The following NRXN3 variants were observed in gnomAD, a reference collection of about 807,000 sequenced individuals.
The protein encoded by NRXN3 is neurexin III.
NRXN3 carries 32 observed loss-of-function variants against 137.6 expected under a neutral mutation model. The observed-to-expected ratio is 0.23, with a 90% CI of 0.18 to 0.31. The LOEUF (loss-of-function observed/expected upper bound fraction) is 0.31. Among genes scored for constraint, NRXN3 ranks in the 10% least tolerant of loss-of-function variants. The pLI, the probability that NRXN3 is intolerant of heterozygous loss-of-function variation, is 1.00. For synonymous variants in NRXN3, 798 were observed against 784.5 expected (o/e 1.02, Z -0.29); for missense variants, 1,574 against 2,062.5 (o/e 0.76, Z 4.59).
intron 15 of NRXN3, among the ~76,000 whole-genome samples, chr14:79,276,025 G>T (rs2080233166): frequency 6.6e-6 from 1 of 152,018 alleles, no homozygotes; most frequent in South Asian, 2.1e-4. Flanking sequence ...CTATACACTT[G>T]ATTCCCAAGT....
rs1465233976 is a variant in NRXN3 at position 79,557,078 on chromosome 14, C to A, written c.3444+89676C>A. Among the ~76,000 whole-genome samples, 3 of 151,962 alleles carry A rather than the reference C, an allele frequency of 2.0e-5. No individual in the cohort carries two copies. In the East Asian group the frequency reaches 5.8e-4, roughly 30 times the overall value. ...GTTGGACCTTAAGATATATTCAAGG[C>A]TAGTTGGCTGGGCTTGGCTTGACTC... On this transcript the variant is annotated intron_variant, in intron 16 of 20. Transcript: ENST00000335750.
At chr14:79,753,420 G>A (rs2099005913) in intron 19 of NRXN3, among the ~76,000 whole-genome samples, 2 of 148,990 alleles carry the variant, frequency 1.3e-5, no homozygotes, top group African/African-American at 5.2e-5. Flanking sequence ...GTCCTTTGTA[G>A]GGACATGGAT....
chr14:78,243,518 A>G lies in NRXN3; in HGVS notation c.425A>G (p.Asp142Gly). 1 of 1,596,208 alleles carries G rather than the reference A, an allele frequency of 6.3e-7. No individual in the cohort carries two copies. The highest frequency in any genetic ancestry group is 8.5e-7 in the Non-Finnish European group (1 of 1,178,832). ...CTGCAGCCCCAGCGGCCCTACATGG[A>G]TGTGGTCAGTGACTTGTTCCTTGGT... ...GELQPQRPYM[D>G]VVSDLFLGGV... Residue 142 changes from aspartate to glycine, a missense_variant, in exon 2 of 21, where the codon GAT becomes GGT. Asp to Gly is a moderately conservative substitution (Grantham distance 94). Around this residue, in one of 5 missense-constraint regions of NRXN3, gnomAD observed 400 missense variants for 527.3 expected, o/e 0.76. Transcript: ENST00000335750. This position sits in a 1 kb window ranked among gnomAD's most constrained non-coding sequence, Gnocchi z 4.2.
At chr14:79,330,793 A>G (rs1160064593) in intron 15 of NRXN3, among the ~76,000 whole-genome samples, 1 of 152,226 alleles carries the variant, frequency 6.6e-6, no homozygotes, top group African/African-American at 2.4e-5. Flanking sequence ...TTAAGTAGAT[A>G]TTTCACTTTC....
intron 19 of NRXN3, among the ~76,000 whole-genome samples, chr14:79,706,752 A>C (rs1252809846): frequency 1.3e-5 from 2 of 152,200 alleles, no homozygotes; most frequent in Non-Finnish European, 2.9e-5. Flanking sequence ...CAGCACAAAG[A>C]AAATTTACCT....
chr14:79,075,196 C>G (rs2045768851), intron 15 of NRXN3, among the ~76,000 whole-genome samples: 1 of 151,958 alleles, frequency 6.6e-6, no homozygotes, highest in South Asian at 2.1e-4. Flanking sequence ...TAAAGCATAC[C>G]CATTTCATTT....
At chr14:78,971,690 C>A (rs756618144) in intron 14 of NRXN3, among the ~76,000 whole-genome samples, 2 of 152,086 alleles carry the variant, frequency 1.3e-5, no homozygotes, top group Admixed American at 1.3e-4. Context: ...GGCTGGAGTG[C>A]AGTGGCGTGA....
intron 8 of NRXN3, among the ~76,000 whole-genome samples, chr14:78,745,531 C>T (rs188169196): frequency 2.8e-4 from 43 of 152,310 alleles, no homozygotes; most frequent in Admixed American, 7.8e-4. Flanking sequence ...TGAGCCTTTG[C>T]GTACTAATTT....
chr14:78,227,354 A>G (rs1172303672), intron 1 of NRXN3, among the ~76,000 whole-genome samples: 1 of 152,160 alleles, frequency 6.6e-6, no homozygotes, highest in African/African-American at 2.4e-5. Flanking sequence ...AGTTGAAAAA[A>G]AAAACACCTT....
At chr14:79,391,124 G>A (rs1009742313) in intron 15 of NRXN3, among the ~76,000 whole-genome samples, 8 of 151,814 alleles carry the variant, frequency 5.3e-5, no homozygotes, top group Non-Finnish European at 1.2e-4. Flanking sequence ...AGCACTAATG[G>A]ACTTAGTCAC....
intron 1 of NRXN3, among the ~76,000 whole-genome samples, chr14:78,207,709 T>G (rs2062344806): frequency 6.6e-6 from 1 of 152,210 alleles, no homozygotes; most frequent in African/African-American, 2.4e-5. Context: ...CCCACCACGT[T>G]AGTCATCACG....
At chr14:78,580,130 G>A (rs1461374360) in intron 4 of NRXN3, among the ~76,000 whole-genome samples, 10 of 152,032 alleles carry the variant, frequency 6.6e-5, no homozygotes, top group Admixed American at 6.6e-4. Flanking sequence ...TCTTGTATGA[G>A]TCTTTAATAT....
chr14:78,914,068 A>G (rs1204346162), intron 10 of NRXN3, among the ~76,000 whole-genome samples: 1 of 152,182 alleles, frequency 6.6e-6, no homozygotes, highest in Non-Finnish European at 1.5e-5. Flanking sequence ...TGGATTTGTG[A>G]AATCCAAACT....
At chr14:78,816,319 T>A (rs1295845083) in intron 10 of NRXN3, among the ~76,000 whole-genome samples, 1 of 152,168 alleles carries the variant, frequency 6.6e-6, no homozygotes, top group Non-Finnish European at 1.5e-5. Context: ...GATTTTTGTA[T>A]CTTCTTTCAG....
chr14:78,804,605 A>T (rs1419355755), intron 9 of NRXN3, among the ~76,000 whole-genome samples: 2 of 152,162 alleles, frequency 1.3e-5, no homozygotes, highest in African/African-American at 4.8e-5. Flanking sequence ...TATGACTTCA[A>T]ATTTGTGGCT....
At chr14:79,550,071 G>T (rs977943719) in intron 16 of NRXN3, among the ~76,000 whole-genome samples, 1 of 152,028 alleles carries the variant, frequency 6.6e-6, no homozygotes, top group Non-Finnish European at 1.5e-5. Context: ...CCAGGTTCAA[G>T]GGATTCTCCT....
chr14:78,423,794 C>T (rs1043609817), intron 4 of NRXN3, among the ~76,000 whole-genome samples: 2 of 152,140 alleles, frequency 1.3e-5, no homozygotes, highest in African/African-American at 2.4e-5. Flanking sequence ...CTTTAATGCC[C>T]ACTTCACTGT....
intron 15 of NRXN3, among the ~76,000 whole-genome samples, chr14:79,276,867 A>T (rs1818062053): frequency 6.6e-6 from 1 of 152,214 alleles, no homozygotes; most frequent in Non-Finnish European, 1.5e-5. Flanking sequence ...TTGGCAATTG[A>T]TTCACTGAGT....
At chr14:78,858,195 C>T (rs1175789995) in intron 10 of NRXN3, among the ~76,000 whole-genome samples, 1 of 152,086 alleles carries the variant, frequency 6.6e-6, no homozygotes, top group Admixed American at 6.6e-5. Context: ...CTGGTAAAGT[C>T]TGTGCTGAGG....
Sources: gnomAD v4.1 joint callset for allele counts (sites outside exome capture counted in the v4.1 genomes callset) on GRCh38, gnomAD v4.1.1 for gene constraint, gnomAD v4.1.1 regional missense constraint, Gnocchi (gnomAD v3.1) non-coding constraint, MANE v1.5 for transcripts, NCBI Gene and HGNC (gene_info 2026-07-23, HGNC 2026-07-21) for gene names.